Variants in KANSL1L observed in about 807,000 individuals in gnomAD.
The protein encoded by KANSL1L is KAT8 regulatory NSL complex subunit 1 like.
A neutral mutation model predicts 108.6 loss-of-function variants in KANSL1L; 25 were observed. The ratio of observed to expected loss-of-function variants is 0.23; its 90% CI spans 0.17 to 0.32. The LOEUF (loss-of-function observed/expected upper bound fraction) is 0.32, where lower values mean the gene tolerates loss of function less well. Among genes scored for constraint, KANSL1L ranks in the 10% least tolerant of loss-of-function variants. The pLI, the probability that KANSL1L is intolerant of heterozygous loss-of-function variation, is 1.00. For synonymous variants in KANSL1L, 405 were observed against 395.1 expected (o/e 1.03, Z -0.30); for missense variants, 1,137 against 1,125.7 (o/e 1.01, Z -0.14).
intron 3 of KANSL1L, among the ~76,000 whole-genome samples, chr2:210,122,611 G>C (rs988499896): frequency 6.6e-6 from 1 of 152,076 alleles, no homozygotes; most frequent in Non-Finnish European, 1.5e-5. Flanking sequence ...CAGGACATTG[G>C]ACTGGGCAAA....
intron 2 of KANSL1L, among the ~76,000 whole-genome samples, chr2:210,146,264 T>C (rs901540867): frequency 6.6e-6 from 1 of 152,172 alleles, no homozygotes; most frequent in African/African-American, 2.4e-5. Flanking sequence ...TTGCTACAAA[T>C]TCATACTTAA....
At chr2:210,153,462 C>T in intron 2 of KANSL1L, 33 bp downstream of exon 2, 1 of 1,567,844 alleles carries the variant, frequency 6.4e-7, no homozygotes, top group Non-Finnish European at 8.8e-7. Flanking sequence ...ATATATGGAA[C>T]AGAAAATAGT....
At chr2:210,039,109 A>G (rs1156330838) in intron 8 of KANSL1L, among the ~76,000 whole-genome samples, 1 of 151,890 alleles carries the variant, frequency 6.6e-6, no homozygotes, top group Non-Finnish European at 1.5e-5. Flanking sequence ...CCTGCTATTA[A>G]TCTTCTAAAA....
At chr2:210,047,147 C>A (rs1026682501) in intron 6 of KANSL1L, among the ~76,000 whole-genome samples, 2 of 152,092 alleles carry the variant, frequency 1.3e-5, no homozygotes, top group Non-Finnish European at 2.9e-5. Context: ...GTAGAGAGGG[C>A]TGATTGATAC....
At chr2:210,030,419 A>G (rs1434786829) in intron 9 of KANSL1L, among the ~76,000 whole-genome samples, 5 of 150,826 alleles carry the variant, frequency 3.3e-5, no homozygotes, top group Admixed American at 1.3e-4. Flanking sequence ...TTCTTGTTTC[A>G]TAGATGAAAT....
intron 8 of KANSL1L, chr2:210,033,023 A>G (rs1357842494): frequency 1.3e-5 from 2 of 152,240 alleles, no homozygotes; most frequent in African/African-American, 2.4e-5. Context: ...ACAGCTGAAA[A>G]TCAAAATCAG....
intron 1 of KANSL1L, among the ~76,000 whole-genome samples, chr2:210,158,063 G>A (rs145012107): frequency 4.6e-5 from 7 of 152,296 alleles, no homozygotes; most frequent in African/African-American, 1.2e-4. Context: ...AGGGCTTACC[G>A]GTAGGACAGG....
rs117674897 is a variant in KANSL1L at position 210,023,010 on chromosome 2, T to C, written c.2903A>G (p.Asp968Gly). 5.5e-4 allele frequency: 880 copies of C among 1,614,008 alleles called. 14 individuals are homozygous for C. In the East Asian group the frequency reaches 0.016, roughly 30 times the overall value. Residue 968 changes from aspartate to glycine, a missense_variant, in exon 15 of 15, where the codon GAT becomes GGT. Asp to Gly is a moderately conservative substitution (Grantham distance 94). Around this residue, in one of 3 missense-constraint regions of KANSL1L, gnomAD observed 575 missense variants for 567.1 expected, o/e 1.01. Coordinates refer to ENST00000281772, the MANE Select transcript of KANSL1L (RefSeq NM_152519.4). ...ENGHHPKKQS[D>G]GMEEYKTFGL... ...AAAGGTTTTGTATTCTTCCATTCCA[T>C]CTGACTGCTTTTTTGGATGGTGGCC... is the stretch of plus-strand genomic sequence containing the variant.
chr2:210,061,664 A>T (rs1442211160), intron 6 of KANSL1L, among the ~76,000 whole-genome samples: 1 of 152,344 alleles, frequency 6.6e-6, no homozygotes, highest in African/African-American at 2.4e-5. Flanking sequence ...AGCACAAAGA[A>T]GCATAGATTC....
intron 5 of KANSL1L, among the ~76,000 whole-genome samples, chr2:210,085,721 TTAA>T (rs1415618364): frequency 6.6e-6 from 1 of 151,824 alleles, no homozygotes; most frequent in African/African-American, 2.4e-5. Context: ...ATTTTTCCAC[TTAA>T]TATTTCAATA....
chr2:210,040,332 T>C (rs1259108548), intron 8 of KANSL1L, 88 bp downstream of exon 8: 1 of 699,798 alleles, frequency 1.4e-6, no homozygotes, highest in Non-Finnish European at 2.5e-6. Flanking sequence ...ATTCTTTTCT[T>C]AGATTTTATT....
rs1273729107 is a variant in KANSL1L, at chr2:210,171,332, G to A, written c.-213C>T. ...CGCCGCCGCCGCCGCCGCCGCCGCC[G>A]CCGCCGCCGCGGTTTAACAGTCCGC... On this transcript the variant is annotated 5_prime_UTR_variant, in exon 1 of 15. Transcript: ENST00000281772. The A allele has an allele frequency of 6.6e-5, 6 of 91,056 alleles. No homozygotes were observed. The highest frequency in any genetic ancestry group is 1.3e-4 in the African/African-American group (3 of 22,250). The allele number at this position is 91,056 out of a possible 1,614,324, so 5.6% of individuals were successfully genotyped here. A position where few individuals can be genotyped will look rare whatever the true frequency, so the allele number is the denominator to read the frequency against.
intron 12 of KANSL1L, 33 bp from the exon 13 acceptor site, chr2:210,025,249 CAG>C (rs1559493586): frequency 1.5e-6 from 2 of 1,309,008 alleles, no homozygotes; most frequent in Non-Finnish European, 2.2e-6. Context: ...TTGTTTTAAT[CAG>C]AAACATTTTG....
intron 3 of KANSL1L, among the ~76,000 whole-genome samples, chr2:210,118,489 A>AG (rs893590759): frequency 4.0e-5 from 6 of 151,534 alleles, no homozygotes; most frequent in African/African-American, 1.5e-4. Flanking sequence ...AAAAAAAAAA[A>AG]ACAGAAGAAA....
chr2:210,103,828 G>GA (rs1248967741), intron 4 of KANSL1L, among the ~76,000 whole-genome samples: 1 of 151,668 alleles, frequency 6.6e-6, no homozygotes, highest in Non-Finnish European at 1.5e-5. Flanking sequence ...AATTTTGTTA[G>GA]AAAAAGGATT....
chr2:210,070,557 T>C (rs757107761), intron 6 of KANSL1L, among the ~76,000 whole-genome samples: 1 of 152,062 alleles, frequency 6.6e-6, no homozygotes, highest in Non-Finnish European at 1.5e-5. Context: ...AGGACGCCAA[T>C]CACTGGATTT....
rs372177742 is a variant in KANSL1L, at chr2:210,023,161, G to A, written c.2752C>T (p.Arg918Trp). 4.9e-5 allele frequency: 79 copies of A among 1,613,710 alleles called. No individual in the cohort carries two copies. The highest frequency in any genetic ancestry group is 6.4e-5 in the Non-Finnish European group (76 of 1,179,858). ...TCTTCACCCTTCAGTGGAAAAGCCC[G>A]TCGTTCCCACCACAAAGACTGAAAG... The part of the protein sequence containing the change: ...QETKSLWWER[R>W]AFPLKGEDMA... The change falls in exon 15 of 15, where the codon CGG becomes TGG. Residue 918 changes from arginine to tryptophan, a missense_variant. Around this residue, in one of 3 missense-constraint regions of KANSL1L, gnomAD observed 575 missense variants for 567.1 expected, o/e 1.01. Transcript: ENST00000281772.
intron 1 of KANSL1L, among the ~76,000 whole-genome samples, chr2:210,162,327 G>A (rs2095366580): frequency 6.7e-6 from 1 of 150,036 alleles, no homozygotes; most frequent in Non-Finnish European, 1.5e-5. Flanking sequence ...CAGGAATTAA[G>A]GGAAAGGAAG....
chr2:210,043,555 T>C (rs2094191508), intron 7 of KANSL1L: 1 of 156,922 alleles, frequency 6.4e-6, no homozygotes, highest in African/African-American at 2.4e-5. Flanking sequence ...TGGAGAAATA[T>C]TTTATGACAG....
Sources: gnomAD v4.1 joint callset for allele counts (sites outside exome capture counted in the v4.1 genomes callset) on GRCh38, gnomAD v4.1.1 for gene constraint, gnomAD v4.1.1 regional missense constraint, MANE v1.5 for transcripts, NCBI Gene and HGNC (gene_info 2026-07-23, HGNC 2026-07-21) for gene names.